The following ANAPC5 variants were observed in gnomAD, a reference collection of about 807,000 sequenced individuals.
ANAPC5 encodes anaphase-promoting complex subunit 5.
A neutral mutation model predicts 91.3 loss-of-function variants in ANAPC5; 60 were observed. The observed-to-expected ratio is 0.66, with a 90% CI of 0.53 to 0.81. The LOEUF (loss-of-function observed/expected upper bound fraction) is 0.81. ANAPC5 is among the 40% of genes least tolerant of loss of function. ANAPC5 has a pLI of 0.00. For missense variants in ANAPC5, 690 were observed against 931.5 expected (o/e 0.74, Z 3.37); for synonymous variants, 340 against 364.1 (o/e 0.93, Z 0.75).
Position 121,331,447 on chromosome 12 carries a change from T to G in ANAPC5, c.951-19A>C. 1 of 1,589,700 alleles carries G rather than the reference T, an allele frequency of 6.3e-7. No individual in the cohort carries two copies. The highest frequency in any genetic ancestry group is 8.6e-7 in the Non-Finnish European group (1 of 1,159,494). On this transcript the variant is annotated intron_variant, in intron 7 of 16. Coordinates refer to ENST00000261819, the MANE Select transcript of ANAPC5 (RefSeq NM_016237.5). ...CTGTTGACTAATGACAGACTAAACA[T>G]TAATATCCCATTAATAATCACAAAC... is the stretch of plus-strand genomic sequence containing the variant.
At chr12:121,336,388 G>A (rs1831094140) in intron 6 of ANAPC5, among the ~76,000 whole-genome samples, 1 of 152,060 alleles carries the variant, frequency 6.6e-6, no homozygotes, top group African/African-American at 2.4e-5. Context: ...CCTCAAAACT[G>A]TCATTTAGGC....
intron 15 of ANAPC5, among the ~76,000 whole-genome samples, chr12:121,312,485 T>A (rs1357114830): frequency 6.6e-6 from 1 of 151,334 alleles, no homozygotes; most frequent in African/African-American, 2.4e-5. Context: ...GGCAGGCAGA[T>A]CATGAGGTCA....
intron 5 of ANAPC5, among the ~76,000 whole-genome samples, chr12:121,337,695 G>C (rs1314952244): frequency 2.0e-5 from 3 of 152,090 alleles, no homozygotes; most frequent in African/African-American, 2.4e-5. Flanking sequence ...CCCATGCCTA[G>C]CTCATCCTCT....
At chr12:121,326,181 C>T (rs1182646217) in intron 11 of ANAPC5, among the ~76,000 whole-genome samples, 1 of 152,142 alleles carries the variant, frequency 6.6e-6, no homozygotes, top group Non-Finnish European at 1.5e-5. Flanking sequence ...AAAATGCTAA[C>T]ATGTTTGCTA....
chr12:121,321,343 C>CTTTTTT (rs71079053), intron 11 of ANAPC5, among the ~76,000 whole-genome samples: 1 of 100,664 alleles, frequency 9.9e-6, no homozygotes, highest in African/African-American at 3.8e-5. Flanking sequence ...AAACAAATTA[C>CTTTTTT]TTTTTTTTTT....
At chr12:121,328,635 C>G in intron 9 of ANAPC5, 138 bp from the exon 10 acceptor site, 1 of 777,400 alleles carries the variant, frequency 1.3e-6, no homozygotes, top group Non-Finnish European at 2.0e-6. Flanking sequence ...TACCTATAAC[C>G]TGGCCTTAAC....
At chr12:121,318,855 C>T (rs1468219562) in intron 13 of ANAPC5, among the ~76,000 whole-genome samples, 1 of 151,968 alleles carries the variant, frequency 6.6e-6, no homozygotes, top group Non-Finnish European at 1.5e-5. Context: ...CCTGCCTCTA[C>T]TAAAAATACA....
At chr12:121,313,877 C>G (rs1279351841) in intron 15 of ANAPC5, among the ~76,000 whole-genome samples, 1 of 152,184 alleles carries the variant, frequency 6.6e-6, no homozygotes, top group Non-Finnish European at 1.5e-5. Context: ...AGAGAGAATA[C>G]TTTCTAACTC....
At position 121,328,428 on chromosome 12, in the gene ANAPC5, G is replaced by A; in HGVS notation, c.1192C>T (p.Leu398=). The change falls in exon 10 of 17, where the codon CTG becomes TTG. Residue 398 remains leucine, a synonymous_variant. Coordinates refer to ENST00000261819, the MANE Select transcript of ANAPC5 (RefSeq NM_016237.5). The part of the protein sequence containing the change: ...RAFAGKTANK[L]MDALKDSDLL... The stretch of plus-strand genomic sequence containing the variant: ...TCGGAGTCCTTTAGGGCATCCATCA[G>A]CTTGTTTGCCGTCTTCCCAGCAAAA... 6.2e-7 allele frequency: 1 copy of A among 1,613,926 alleles called. No homozygotes were observed. Among genetic ancestry groups the A allele is most frequent in the Non-Finnish European group, 8.5e-7 (1 of 1,179,970 alleles).
intron 9 of ANAPC5, 74 bp from the exon 10 acceptor site, chr12:121,328,571 G>T: frequency 2.8e-6 from 4 of 1,424,058 alleles, no homozygotes; most frequent in Non-Finnish European, 3.9e-6. Flanking sequence ...TCAGAAATGT[G>T]GTGGATTTCA....
At chr12:121,325,117 T>C (rs1479337222) in intron 11 of ANAPC5, among the ~76,000 whole-genome samples, 7 of 152,168 alleles carry the variant, frequency 4.6e-5, no homozygotes, top group South Asian at 2.1e-4. Flanking sequence ...TTTGCTGTGA[T>C]TGCACCACTA....
At chr12:121,350,635 C>G (rs1343326008) in intron 1 of ANAPC5, among the ~76,000 whole-genome samples, 1 of 149,690 alleles carries the variant, frequency 6.7e-6, no homozygotes, top group Non-Finnish European at 1.5e-5. Flanking sequence ...GAGCCGTGAT[C>G]GTGCCACTGC....
At chr12:121,327,291 A>G in intron 10 of ANAPC5, 60 bp from the exon 11 acceptor site, 1 of 1,594,254 alleles carries the variant, frequency 6.3e-7, no homozygotes, top group Non-Finnish European at 8.5e-7. Context: ...CGCTTTGGCC[A>G]TGCCCGTCAG....
At chr12:121,353,455 G>GTTTTGTTTTC (rs1555275725), upstream of ANAPC5, among the ~76,000 whole-genome samples, 1 of 151,956 alleles carries the variant, frequency 6.6e-6, no homozygotes, top group Non-Finnish European at 1.5e-5. Context: ...GTTTTGTTTT[G>GTTTTGTTTTC]TTTTGAGACG....
At chr12:121,339,940 G>A (rs148940916) in intron 5 of ANAPC5, among the ~76,000 whole-genome samples, 4,325 of 132,734 alleles carry the variant, frequency 0.033, 169 homozygotes, top group East Asian at 0.15. Context: ...GCAGTGGTGT[G>A]ATCTCGGCTC....
chr12:121,328,066 C>CATTAAAAAA, intron 10 of ANAPC5: 2 of 409,368 alleles, frequency 4.9e-6, no homozygotes, highest in East Asian at 4.3e-5. Flanking sequence ...GGTTTACTCT[C>CATTAAAAAA]CCAGCATGGA....
At chr12:121,339,072 TGAGACA>T (rs1255038408) in intron 5 of ANAPC5, among the ~76,000 whole-genome samples, 2 of 145,158 alleles carry the variant, frequency 1.4e-5, no homozygotes, top group Non-Finnish European at 3.0e-5. Flanking sequence ...TTTTTTTTTT[TGAGACA>T]GAGTCTTGCT....
At position 121,328,356 on chromosome 12, in the gene ANAPC5, T is replaced by C. The variant is rs983726830; in HGVS notation, c.1264A>G (p.Ile422Val). The change falls in exon 10 of 17, where the codon ATC becomes GTC. Residue 422 changes from isoleucine to valine, a missense_variant. This residue lies in a region of ANAPC5 where 317 missense variants were observed against 438.7 expected (regional missense o/e 0.72). Transcript: ENST00000261819. ...HSLSELIDISIAQKTAIWRLY... is the reference protein window; with the variant it reads ...HSLSELIDISVAQKTAIWRLY... ...CTCCAGATGGCCGTTTTCTGTGCGA[T>C]GCTGATATCGATGAGCTCTGACAGG... 6.8e-6 allele frequency: 11 copies of C among 1,613,848 alleles called. 1 individual carries two copies. The highest frequency in any genetic ancestry group is 5.0e-5 in the Admixed American group (3 of 59,970).
intron 11 of ANAPC5, among the ~76,000 whole-genome samples, chr12:121,322,197 C>T (rs1036918890): frequency 2.1e-5 from 3 of 144,206 alleles, no homozygotes; most frequent in Non-Finnish European, 3.0e-5. Flanking sequence ...CTCACTGTGT[C>T]ACCCAGGCTG....
Sources: allele counts gnomAD v4.1 joint callset (sites outside exome capture counted in the v4.1 genomes callset), GRCh38; gene constraint gnomAD v4.1.1; regional missense constraint gnomAD v4.1.1; transcripts MANE v1.5; gene names NCBI Gene and HGNC (gene_info 2026-07-23, HGNC 2026-07-21).